Variants in RERE observed in about 807,000 individuals in gnomAD.
RERE encodes the protein arginine-glutamic acid dipeptide repeats protein.
In RERE, 40 loss-of-function variants were observed where a neutral mutation model predicts 146.1. The observed-to-expected ratio is 0.27, with a 90% CI of 0.21 to 0.36. The LOEUF (loss-of-function observed/expected upper bound fraction) is 0.36. Among genes scored for constraint, RERE ranks in the 10% least tolerant of loss-of-function variants. RERE has a pLI of 1.00. For synonymous variants in RERE, 1,003 were observed against 866.0 expected (o/e 1.16, Z -2.78); for missense variants, 1,933 against 2,138.7 (o/e 0.90, Z 1.90).
chr1:8,401,761 GAAAAA>G, intron 12 of RERE, among the ~76,000 whole-genome samples: 1 of 137,842 alleles, frequency 7.3e-6, no homozygotes, highest in East Asian at 2.1e-4. Flanking sequence ...TATCCAAAAA[GAAAAA>G]AAAAAAGCCT....
At chr1:8,432,273 G>GT (rs1279637041) in intron 11 of RERE, among the ~76,000 whole-genome samples, 1 of 151,962 alleles carries the variant, frequency 6.6e-6, no homozygotes, top group African/African-American at 2.4e-5. Flanking sequence ...CTTTCCCTGG[G>GT]TTTTTACCAA....
intron 2 of RERE, among the ~76,000 whole-genome samples, chr1:8,629,041 C>T (rs1647005500): frequency 6.6e-6 from 1 of 152,162 alleles, no homozygotes; most frequent in Non-Finnish European, 1.5e-5. Flanking sequence ...CATGTAAAAA[C>T]ACGTATTTAC....
intron 16 of RERE, 73 bp from the exon 17 acceptor site, chr1:8,361,949 C>T (rs1330246585): frequency 1.5e-5 from 16 of 1,102,952 alleles, no homozygotes; most frequent in Admixed American, 5.9e-5. Context: ...AAGGAAATGA[C>T]GGTTTGCAGA....
At chr1:8,725,032 T>C (rs562228117) in intron 1 of RERE, among the ~76,000 whole-genome samples, 4 of 152,318 alleles carry the variant, frequency 2.6e-5, no homozygotes, top group East Asian at 1.9e-4. Context: ...AGTGTATATT[T>C]TGAAAACACG....
chr1:8,387,661 A>C (rs1642728457), intron 12 of RERE, among the ~76,000 whole-genome samples: 1 of 152,232 alleles, frequency 6.6e-6, no homozygotes, highest in African/African-American at 2.4e-5. Context: ...TAAAGAGGAA[A>C]CACAAATAGC....
chr1:8,689,607 C>T (rs1403838098), intron 1 of RERE, among the ~76,000 whole-genome samples: 2 of 152,076 alleles, frequency 1.3e-5, no homozygotes, highest in African/African-American at 2.4e-5. Context: ...TCAATAATTT[C>T]CCCACTGAAG....
intron 12 of RERE, among the ~76,000 whole-genome samples, chr1:8,369,026 T>A (rs1162846771): frequency 6.6e-6 from 1 of 151,992 alleles, no homozygotes; most frequent in African/African-American, 2.4e-5. Context: ...ACAGGCCCAA[T>A]CTCTACAAAA....
intron 1 of RERE, among the ~76,000 whole-genome samples, chr1:8,724,921 A>T (rs1295693974): frequency 6.6e-6 from 1 of 151,738 alleles, no homozygotes; most frequent in Non-Finnish European, 1.5e-5. Flanking sequence ...GAAACTTTCT[A>T]ATTAACTTTC....
At chr1:8,419,197 T>C (rs576577875) in intron 12 of RERE, among the ~76,000 whole-genome samples, 1 of 152,290 alleles carries the variant, frequency 6.6e-6, no homozygotes, top group South Asian at 2.1e-4. Context: ...ACTAAAAGAT[T>C]TGACTTGTAG....
intron 11 of RERE, among the ~76,000 whole-genome samples, chr1:8,441,833 G>A (rs1644252881): frequency 6.6e-6 from 1 of 151,194 alleles, no homozygotes; most frequent in Non-Finnish European, 1.5e-5. Flanking sequence ...TTATTTCGTT[G>A]TTTTCATCAA....
intron 6 of RERE, among the ~76,000 whole-genome samples, chr1:8,551,366 G>C (rs1216887552): frequency 6.6e-6 from 1 of 152,204 alleles, no homozygotes; most frequent in Non-Finnish European, 1.5e-5. Flanking sequence ...CCTTAGGGGA[G>C]AAAAAGTAGC....
chr1:8,725,498 A>G (rs1430863116), intron 1 of RERE, among the ~76,000 whole-genome samples: 1 of 152,152 alleles, frequency 6.6e-6, no homozygotes, highest in Non-Finnish European at 1.5e-5. Flanking sequence ...CCCGGGAGGC[A>G]GAGGTTGCAG....
chr1:8,358,679 C>A lies in RERE; in HGVS notation c.3856G>T (p.Ala1286Ser). Residue 1286 changes from alanine to serine, a missense_variant, in exon 20 of 23, where the codon GCC (alanine) becomes TCC (serine). Ala to Ser is a moderately conservative substitution (Grantham distance 99). Around this residue, in one of 11 missense-constraint regions of RERE, gnomAD observed 1,255 missense variants for 1,153.8 expected, o/e 1.09. Transcript: ENST00000400908. Reference protein sequence around the residue: ...MPLNPTDPLLAYHMPGLYNVD... With the variant: ...MPLNPTDPLLSYHMPGLYNVD... Reference sequence around the variant, plus strand: ...TTGTAGAGGCCAGGCATGTGGTAGGCCAGCAGGGGGTCCGTGGGGTTAAGG... The same window carrying A: ...TTGTAGAGGCCAGGCATGTGGTAGGACAGCAGGGGGTCCGTGGGGTTAAGG... 9 of 1,584,800 alleles carry A rather than the reference C, an allele frequency of 5.7e-6. No homozygotes were observed. The highest frequency in any genetic ancestry group is 6.9e-6 in the Non-Finnish European group (8 of 1,163,310).
chr1:8,675,651 A>C (rs1254304620), intron 1 of RERE, among the ~76,000 whole-genome samples: 1 of 151,976 alleles, frequency 6.6e-6, no homozygotes, highest in Non-Finnish European at 1.5e-5. Flanking sequence ...TGAACTTGGG[A>C]GGCAGAGGTT....
In RERE at chr1:8,375,637, GCAGCCACTGAAAATGCTTCCTCA is replaced by G. The variant is rs1428444340; in HGVS notation, c.1285-9686_1285-9664del. Among the ~76,000 whole-genome samples the G allele has an allele frequency of 2.4e-3, 353 of 146,926 alleles. 1 individual carries two copies. The highest frequency in any genetic ancestry group is 3.7e-3 in the Middle Eastern group (1 of 272). On this transcript the variant is annotated intron_variant, in intron 12 of 22. Transcript: ENST00000400908. ...GCCACTGAAAATGCTTCCTCACTCAGCAGCCACTGAAAATGCTTCCTCACTCAGCAGCCACTGAAAATGTTTCC... is the reference window on the plus strand; with the variant it reads ...GCCACTGAAAATGCTTCCTCACTCAGCTCAGCAGCCACTGAAAATGTTTCC...
intron 1 of RERE, among the ~76,000 whole-genome samples, chr1:8,738,842 A>G (rs190303746): frequency 4.6e-4 from 70 of 152,304 alleles, no homozygotes; most frequent in African/African-American, 1.6e-3. Flanking sequence ...CCATACTGTC[A>G]TCTTGTTCCT....
rs995497873 is a variant in RERE, at chr1:8,696,261, C to T, written c.-144-39820G>A. On this transcript the variant is annotated intron_variant, in intron 1 of 22. Transcript: ENST00000400908. ...CTCGTATGTTCATCACAGCGCTATA[C>T]ACAATACCAAAGACATGGAATCAAC... Among the ~76,000 whole-genome samples, 5 of 152,318 alleles carry T rather than the reference C, an allele frequency of 3.3e-5. No individual in the cohort carries two copies. In the East Asian group the frequency reaches 7.7e-4, roughly 23 times the overall value.
At chr1:8,787,342 G>A (rs911905413) in intron 1 of RERE, among the ~76,000 whole-genome samples, 2 of 152,002 alleles carry the variant, frequency 1.3e-5, no homozygotes, top group Non-Finnish European at 2.9e-5. Flanking sequence ...GGTACCATCC[G>A]TACACCCTGT....
intron 1 of RERE, among the ~76,000 whole-genome samples, chr1:8,810,317 A>G (rs888001527): frequency 6.6e-6 from 1 of 152,214 alleles, no homozygotes; most frequent in African/African-American, 2.4e-5. Context: ...ATTTTTAAAT[A>G]AAATAAATCC....
Sources: gnomAD v4.1 joint callset for allele counts (sites outside exome capture counted in the v4.1 genomes callset) on GRCh38, gnomAD v4.1.1 for gene constraint, gnomAD v4.1.1 regional missense constraint, MANE v1.5 for transcripts, NCBI Gene and HGNC (gene_info 2026-07-23, HGNC 2026-07-21) for gene names.